The following HS3ST4 variants were observed in gnomAD, a reference collection of about 807,000 sequenced individuals.
HS3ST4 encodes the protein heparan sulfate glucosamine 3-O-sulfotransferase 4.
HS3ST4 carries 17 observed loss-of-function variants against 29.2 expected under a neutral mutation model. That is an observed-to-expected ratio of 0.58 (90% confidence interval 0.40 to 0.87). The LOEUF (loss-of-function observed/expected upper bound fraction) is 0.87. Ranked by LOEUF, HS3ST4 falls within the 40% of genes least tolerant of loss-of-function variation. The pLI is 0.00. For missense variants in HS3ST4, 627 were observed against 634.5 expected (o/e 0.99, Z 0.13); for synonymous variants, 314 against 285.7 (o/e 1.10, Z -1.00).
Position 25,976,541 on chromosome 16 carries a change from G to A in HS3ST4, c.735-159071G>A, listed in dbSNP as rs1191688330. Among the ~76,000 whole-genome samples, 8 of 152,292 alleles carry A rather than the reference G, an allele frequency of 5.3e-5. No individual in the cohort carries two copies. In the South Asian group the frequency reaches 1.7e-3, roughly 32 times the overall value. ...TTTGATGCTTCCTGCAAACACGTTT[G>A]TGGAAGGCGTGGTTGGTGTATGGCG... On this transcript the variant is annotated intron_variant, in intron 1 of 1. Coordinates refer to ENST00000331351, the MANE Select transcript of HS3ST4 (RefSeq NM_006040.3).
At chr16:25,811,310 A>T (rs1306205403) in intron 1 of HS3ST4, among the ~76,000 whole-genome samples, 1 of 151,448 alleles carries the variant, frequency 6.6e-6, no homozygotes, top group Non-Finnish European at 1.5e-5. Context: ...TCCTCAGCCT[A>T]CTCAACATGA....
At chr16:25,900,638 C>G (rs114573899) in intron 1 of HS3ST4, among the ~76,000 whole-genome samples, 155 of 152,076 alleles carry the variant, frequency 1.0e-3, no homozygotes, top group African/African-American at 3.6e-3. Context: ...CCTTATTACC[C>G]GAGGAATGAT....
At chr16:25,783,758 C>A (rs574001749) in intron 1 of HS3ST4, among the ~76,000 whole-genome samples, 1 of 152,312 alleles carries the variant, frequency 6.6e-6, no homozygotes, top group South Asian at 2.1e-4. Flanking sequence ...CACGATGCAA[C>A]CATCACCACT....
At chr16:26,129,425 C>T (rs1212007486) in intron 1 of HS3ST4, among the ~76,000 whole-genome samples, 1 of 152,204 alleles carries the variant, frequency 6.6e-6, no homozygotes, top group East Asian at 1.9e-4. Context: ...TCCGACTCCA[C>T]CTCTTCTCGC....
At chr16:26,135,512 G>C in intron 1 of HS3ST4, 100 bp from the exon 2 acceptor site, 2 of 1,171,916 alleles carry the variant, frequency 1.7e-6, no homozygotes, top group Non-Finnish European at 1.2e-6. Context: ...TTATTTGGTG[G>C]TTCCAAACTA....
chr16:25,697,570 A>G (rs1966306680), intron 1 of HS3ST4, among the ~76,000 whole-genome samples: 1 of 152,244 alleles, frequency 6.6e-6, no homozygotes, highest in South Asian at 2.1e-4. Context: ...TGTGACTCAC[A>G]TATTTCTACT....
At chr16:25,813,766 A>G (rs1428267412) in intron 1 of HS3ST4, among the ~76,000 whole-genome samples, 1 of 152,246 alleles carries the variant, frequency 6.6e-6, no homozygotes, top group Non-Finnish European at 1.5e-5. Context: ...TGTGTCCACA[A>G]AAAGACTTGC....
intron 1 of HS3ST4, among the ~76,000 whole-genome samples, chr16:25,856,102 CG>C (rs1379508298): frequency 5.9e-5 from 9 of 152,016 alleles, no homozygotes; most frequent in Non-Finnish European, 8.8e-5. Flanking sequence ...CTGCTTTTCA[CG>C]GGGAAAAGCT....
At chr16:25,697,431 A>C (rs1267689722) in intron 1 of HS3ST4, among the ~76,000 whole-genome samples, 2 of 152,210 alleles carry the variant, frequency 1.3e-5, no homozygotes. Context: ...CAGAATACTA[A>C]ATTACTCAAT....
intron 1 of HS3ST4, among the ~76,000 whole-genome samples, chr16:25,761,224 A>G (rs6497885): frequency 0.15 from 22,148 of 152,110 alleles, 1,728 homozygotes; most frequent in African/African-American, 0.2. Context: ...ATCACCATGC[A>G]TCATTACACA....
intron 1 of HS3ST4, among the ~76,000 whole-genome samples, chr16:25,826,857 G>T (rs1210143499): frequency 2.6e-5 from 4 of 152,066 alleles, no homozygotes; most frequent in African/African-American, 7.2e-5. Context: ...AGACATGCTT[G>T]CCCTTTTCAA....
chr16:25,875,267 A>G (rs1255282003), intron 1 of HS3ST4, among the ~76,000 whole-genome samples: 1 of 152,070 alleles, frequency 6.6e-6, no homozygotes. Context: ...GCCCGGTGGT[A>G]CTAGGAGCCC....
At chr16:25,857,966 T>G (rs1262579329) in intron 1 of HS3ST4, among the ~76,000 whole-genome samples, 768 of 60,636 alleles carry the variant, frequency 0.013, 24 homozygotes, top group African/African-American at 0.049. Context: ...CTTTCTTTCT[T>G]TCTTTCTCTT....
At chr16:25,917,808 T>A (rs1968307076) in intron 1 of HS3ST4, among the ~76,000 whole-genome samples, 1 of 152,246 alleles carries the variant, frequency 6.6e-6, no homozygotes, top group Admixed American at 6.5e-5. Flanking sequence ...AATCTGCAAC[T>A]GTTTCCTTTT....
At position 25,942,636 on chromosome 16, in the gene HS3ST4, A is replaced by G. The variant is rs1244735691; in HGVS notation, c.735-192976A>G. Among the ~76,000 whole-genome samples, 7 of 118,794 alleles carry G rather than the reference A, an allele frequency of 5.9e-5. No homozygotes were observed. In the East Asian group the frequency reaches 1.7e-3, roughly 28 times the overall value. The allele number at this position is 118,794 out of a possible 152,430, so 77.9% of individuals were successfully genotyped here. A position where few individuals can be genotyped will look rare whatever the true frequency, so the allele number is the denominator to read the frequency against. ...TTTTTTTTTTCTTTCCTTTTTTTTTAGAGGCAGGGTCTTTCTCTGTTGCCC... is the reference window on the plus strand; with the variant it reads ...TTTTTTTTTTCTTTCCTTTTTTTTTGGAGGCAGGGTCTTTCTCTGTTGCCC... On this transcript the variant is annotated intron_variant, in intron 1 of 1. Coordinates refer to ENST00000331351, the MANE Select transcript of HS3ST4 (RefSeq NM_006040.3).
intron 1 of HS3ST4, among the ~76,000 whole-genome samples, chr16:25,701,002 T>C (rs938656340): frequency 2.0e-5 from 3 of 152,280 alleles, no homozygotes; most frequent in African/African-American, 7.2e-5. Flanking sequence ...ACAAAAGACA[T>C]TTGATTGCCT....
intron 1 of HS3ST4, among the ~76,000 whole-genome samples, chr16:25,897,329 G>T (rs1968076907): frequency 2.0e-5 from 3 of 152,030 alleles, no homozygotes; most frequent in African/African-American, 7.2e-5. Context: ...TGGTAAGCCT[G>T]TAGTCCTAGC....
At chr16:26,082,899 A>T (rs11074746) in intron 1 of HS3ST4, among the ~76,000 whole-genome samples, 3 of 152,072 alleles carry the variant, frequency 2.0e-5, no homozygotes, top group African/African-American at 7.2e-5. Context: ...ACACTGAGGT[A>T]TGAGGATTGG....
chr16:26,048,266 A>G (rs1898293438), intron 1 of HS3ST4, among the ~76,000 whole-genome samples: 1 of 152,212 alleles, frequency 6.6e-6, no homozygotes, highest in Admixed American at 6.5e-5. Flanking sequence ...CGTAGGAACA[A>G]ACTTCAACAA....
Sources: gnomAD v4.1 joint callset for allele counts (sites outside exome capture counted in the v4.1 genomes callset) on GRCh38, gnomAD v4.1.1 for gene constraint, MANE v1.5 for transcripts, NCBI Gene and HGNC (gene_info 2026-07-23, HGNC 2026-07-21) for gene names.